Variants in NBAS observed in about 807,000 individuals in gnomAD.
NBAS encodes NBAS subunit of NRZ tethering complex.
Under a neutral mutation model 302.5 loss-of-function variants are expected in NBAS, and 219 were observed. That is an observed-to-expected ratio of 0.72 (90% CI 0.65 to 0.81). NBAS has a LOEUF of 0.81. Ranked by LOEUF, NBAS falls within the 30% of genes least tolerant of loss-of-function variation. The probability of loss-of-function intolerance (pLI) is 0.00; values close to 1 mark genes in which losing one functional copy is unlikely to be tolerated. For missense variants in NBAS, 2,932 were observed against 2,841.6 expected, an observed-to-expected ratio of 1.03 and a Z score of -0.72; for synonymous variants, 1,118 against 1,021.6, an observed-to-expected ratio of 1.09 and a Z score of -1.80.
intron 11 of NBAS, among the ~76,000 whole-genome samples, chr2:15,502,607 G>A (rs1256188007): frequency 6.6e-6 from 1 of 152,214 alleles, no homozygotes; most frequent in Non-Finnish European, 1.5e-5. Context: ...AAAAGGTACA[G>A]TAAATGGTAT....
the NBAS span, among the ~76,000 whole-genome samples, chr2:15,041,033 C>G: frequency 6.6e-6 from 1 of 152,220 alleles, no homozygotes; most frequent in Non-Finnish European, 1.5e-5. Context: ...CACCAAAGCT[C>G]AACTGTGATC....
chr2:15,040,886 G>A, the NBAS span, among the ~76,000 whole-genome samples: 1 of 152,210 alleles, frequency 6.6e-6, no homozygotes, highest in Non-Finnish European at 1.5e-5. Flanking sequence ...GGTTATCTCT[G>A]CCTTCCTGTG....
intron 48 of NBAS, among the ~76,000 whole-genome samples, chr2:15,209,498 C>T (rs1311883742): frequency 7.2e-5 from 11 of 151,962 alleles, no homozygotes; most frequent in Non-Finnish European, 1.5e-4. Context: ...AAAAATAAAA[C>T]TACAGGCCAA....
the NBAS span, among the ~76,000 whole-genome samples, chr2:14,868,851 A>T: frequency 1.3e-5 from 2 of 152,224 alleles, no homozygotes; most frequent in Non-Finnish European, 2.9e-5. Flanking sequence ...ACAGCAGAGC[A>T]TAGGGAATAG....
At chr2:15,097,312 G>A in the NBAS span, among the ~76,000 whole-genome samples, 2,946 of 152,262 alleles carry the variant, frequency 0.019, 42 homozygotes, top group Non-Finnish European at 0.027. Context: ...GACCCCTGAG[G>A]GGTAAGTCAG....
At chr2:15,266,678 G>A (rs1441518262) in intron 44 of NBAS, among the ~76,000 whole-genome samples, 1 of 152,188 alleles carries the variant, frequency 6.6e-6, no homozygotes, top group Admixed American at 6.6e-5. Flanking sequence ...GCTTGTCAGT[G>A]TTTGTTGGTT....
the NBAS span, among the ~76,000 whole-genome samples, chr2:15,032,013 G>A: frequency 6.6e-6 from 1 of 152,244 alleles, no homozygotes; most frequent in African/African-American, 2.4e-5. Flanking sequence ...GGCAGGGCTG[G>A]CTAGCGCCAC....
intron 44 of NBAS, among the ~76,000 whole-genome samples, chr2:15,269,588 C>T (rs1383384249): frequency 6.6e-6 from 1 of 152,180 alleles, no homozygotes; most frequent in Non-Finnish European, 1.5e-5. Flanking sequence ...CTTCCCAATA[C>T]TTACAGACTT....
chr2:15,268,700 A>C (rs1558489787), intron 44 of NBAS, among the ~76,000 whole-genome samples: 1 of 152,176 alleles, frequency 6.6e-6, no homozygotes, highest in Non-Finnish European at 1.5e-5. Context: ...GATTGAGTGC[A>C]GGGAGTAGTA....
the NBAS span, among the ~76,000 whole-genome samples, chr2:15,137,626 G>C: frequency 6.6e-6 from 1 of 152,160 alleles, no homozygotes; most frequent in Non-Finnish European, 1.5e-5. Context: ...AAAATGATGA[G>C]AGGAGGATCT....
intron 35 of NBAS, 99 bp from the exon 36 acceptor site, chr2:15,330,864 CT>C (rs1429984495): frequency 1.5e-6 from 2 of 1,296,000 alleles, no homozygotes; most frequent in Non-Finnish European, 2.1e-6. Flanking sequence ...AGATATTAAA[CT>C]TGAAGACAGA....
intron 51 of NBAS, among the ~76,000 whole-genome samples, chr2:15,167,629 C>T (rs867054446): frequency 1.2e-4 from 18 of 152,174 alleles, no homozygotes; most frequent in African/African-American, 3.9e-4. Flanking sequence ...GATTCAACCC[C>T]GTGACTGGCA....
At chr2:15,478,063 TCAG>T (rs1371514627) in intron 13 of NBAS, among the ~76,000 whole-genome samples, 160 bp downstream of exon 13, 1 of 152,382 alleles carries the variant, frequency 6.6e-6, no homozygotes, top group African/African-American at 2.4e-5. Context: ...AGCCTGACCA[TCAG>T]AAAACTGGAT....
At chr2:15,088,092 T>G in the NBAS span, among the ~76,000 whole-genome samples, 2 of 152,170 alleles carry the variant, frequency 1.3e-5, no homozygotes, top group Non-Finnish European at 2.9e-5. Context: ...GAGGTACTCC[T>G]GGATTTGTAG....
chr2:15,374,790 G>T, intron 30 of NBAS, 70 bp from the exon 31 acceptor site: 1 of 1,246,202 alleles, frequency 8.0e-7, no homozygotes, highest in Non-Finnish European at 1.2e-6. Flanking sequence ...AACACCATGA[G>T]ATCTAACACA....
Position 15,461,211 on chromosome 2 carries a change from G to A in NBAS, c.2329C>T (p.Pro777Ser). Residue 777 changes from proline (P) to serine (S), a missense_variant, in exon 21 of 52, where the codon CCC becomes TCC. Coordinates refer to ENST00000281513, the MANE Select transcript of NBAS (RefSeq NM_015909.4). ...TSPHEYSVLL[P>S]EACFNGDSLM... is the part of the protein sequence containing the mutation. Reference sequence around the variant, plus strand: ...AACATAGTCACATACCAAGCTTCGGGCAGCAAAACAGAATATTCATGTGGA... The same window carrying A: ...AACATAGTCACATACCAAGCTTCGGACAGCAAAACAGAATATTCATGTGGA... The A allele has an allele frequency of 6.2e-7, 1 of 1,613,678 alleles. No individual in the cohort carries two copies. The highest frequency in any genetic ancestry group is 8.5e-7 in the Non-Finnish European group (1 of 1,179,752).
chr2:15,141,020 A>G, the NBAS span, among the ~76,000 whole-genome samples: 14,877 of 152,200 alleles, frequency 0.098, 939 homozygotes, highest in South Asian at 0.17. Flanking sequence ...AATGTACACT[A>G]TTATTCTTGT....
chr2:15,552,431 C>T (rs545516335), intron 5 of NBAS, among the ~76,000 whole-genome samples: 4 of 152,174 alleles, frequency 2.6e-5, no homozygotes, highest in Non-Finnish European at 5.9e-5. Context: ...CTTCCTCCTC[C>T]TCCTCCTCAG....
At chr2:14,990,314 C>T in the NBAS span, among the ~76,000 whole-genome samples, 2 of 149,844 alleles carry the variant, frequency 1.3e-5, no homozygotes. Flanking sequence ...GTCCCAGCTA[C>T]TCGGGAGACT....
Sources: gnomAD v4.1 joint callset for allele counts (sites outside exome capture counted in the v4.1 genomes callset) on GRCh38, gnomAD v4.1.1 for gene constraint, MANE v1.5 for transcripts, NCBI Gene and HGNC (gene_info 2026-07-23, HGNC 2026-07-21) for gene names.